Variants in TLL1 observed in about 807,000 individuals in gnomAD.
TLL1 encodes tolloid like 1.
A neutral mutation model predicts 128.2 loss-of-function variants in TLL1; 49 were observed. The observed-to-expected ratio is 0.38, with a 90% CI of 0.30 to 0.48. TLL1 has a LOEUF of 0.48. Ranked by LOEUF, TLL1 falls within the 20% of genes least tolerant of loss-of-function variation. The probability of loss-of-function intolerance (pLI) is 0.96; values close to 1 mark genes in which losing one functional copy is unlikely to be tolerated. For synonymous variants in TLL1, 454 were observed against 418.8 expected (o/e 1.08, Z -1.03); for missense variants, 1,123 against 1,242.0 (o/e 0.90, Z 1.44).
chr4:166,097,050 C>A (rs1275908481), intron 19 of TLL1, among the ~76,000 whole-genome samples: 1 of 152,030 alleles, frequency 6.6e-6, no homozygotes, highest in Non-Finnish European at 1.5e-5. Flanking sequence ...ACCTTTCAAG[C>A]ATTTTTCATA....
chr4:165,895,910 C>T (rs1731654656), intron 1 of TLL1, among the ~76,000 whole-genome samples: 1 of 151,894 alleles, frequency 6.6e-6, no homozygotes, highest in Admixed American at 6.6e-5. Flanking sequence ...GTTGCAAAGA[C>T]AATTTGGCAG....
intron 14 of TLL1, among the ~76,000 whole-genome samples, chr4:166,057,877 C>G (rs1328097747): frequency 6.6e-6 from 1 of 152,156 alleles, no homozygotes. Context: ...CCTCCCATGA[C>G]ATGTGGGAAT....
At chr4:165,905,189 C>T (rs1034302053) in intron 1 of TLL1, among the ~76,000 whole-genome samples, 3 of 152,136 alleles carry the variant, frequency 2.0e-5, no homozygotes, top group Non-Finnish European at 2.9e-5. Flanking sequence ...CTATGCGATC[C>T]AGCTATCCCA....
At chr4:166,056,030 T>G (rs1005866274) in intron 13 of TLL1, among the ~76,000 whole-genome samples, 1 of 152,090 alleles carries the variant, frequency 6.6e-6, no homozygotes, top group South Asian at 2.1e-4. Context: ...GTGATAGATA[T>G]GTAAATATTG....
chr4:165,936,216 C>CT (rs1733756009), intron 1 of TLL1, among the ~76,000 whole-genome samples: 7 of 125,228 alleles, frequency 5.6e-5, no homozygotes, highest in African/African-American at 9.0e-5. Context: ...ATTTTTTTTT[C>CT]TTTTTTCTTT....
intron 1 of TLL1, among the ~76,000 whole-genome samples, chr4:165,954,744 T>A (rs2110946428): frequency 1.3e-5 from 2 of 152,100 alleles, no homozygotes; most frequent in South Asian, 2.1e-4. Context: ...TTGACTGCAC[T>A]CAATATAAAC....
At chr4:165,931,576 G>C (rs531407551) in intron 1 of TLL1, among the ~76,000 whole-genome samples, 1 of 151,860 alleles carries the variant, frequency 6.6e-6, no homozygotes, top group South Asian at 2.1e-4. Flanking sequence ...AAAATTAGCC[G>C]GGTGTGGTGG....
chr4:165,952,716 T>C (rs1052907494), intron 1 of TLL1, among the ~76,000 whole-genome samples: 1 of 152,120 alleles, frequency 6.6e-6, no homozygotes, highest in Non-Finnish European at 1.5e-5. Context: ...GAAGGCATGA[T>C]AAAATTGGCA....
chr4:166,087,541 A>T (rs1366273098), intron 18 of TLL1, among the ~76,000 whole-genome samples: 2 of 152,142 alleles, frequency 1.3e-5, no homozygotes, highest in Non-Finnish European at 2.9e-5. Flanking sequence ...GGACCTCTAA[A>T]GCTTATCTTA....
rs764173137 is a variant in TLL1, at chr4:166,077,890, G to T, written c.2315-13G>T. On this transcript the variant is annotated splice_polypyrimidine_tract_variant and intron_variant, in intron 17 of 20. Coordinates refer to ENST00000061240, the MANE Select transcript of TLL1 (RefSeq NM_012464.5). Reference sequence around the variant, plus strand: ...GATTGCCACACTGTCTGATATTATGGTTATTGGTGCAGCTGAGTGTGAACA... The same window carrying T: ...GATTGCCACACTGTCTGATATTATGTTTATTGGTGCAGCTGAGTGTGAACA... 4 of 1,613,034 alleles carry T rather than the reference G, an allele frequency of 2.5e-6. No individual in the cohort carries two copies. Among genetic ancestry groups the T allele is most frequent in the Admixed American group, 1.7e-5 (1 of 59,928 alleles).
intron 1 of TLL1, among the ~76,000 whole-genome samples, chr4:165,931,493 C>A (rs113776365): frequency 6.6e-6 from 1 of 151,580 alleles, no homozygotes; most frequent in Admixed American, 6.6e-5. Context: ...CCAAGGCGGG[C>A]GGATCACGAG....
At chr4:165,983,917 C>A (rs1736277492) in intron 1 of TLL1, among the ~76,000 whole-genome samples, 1 of 151,758 alleles carries the variant, frequency 6.6e-6, no homozygotes, top group Admixed American at 6.6e-5. Flanking sequence ...GATGAGTGAA[C>A]AATTTTATTT....
chr4:166,061,447 G>A (rs1438683998), intron 15 of TLL1, among the ~76,000 whole-genome samples: 3 of 151,846 alleles, frequency 2.0e-5, no homozygotes, highest in Non-Finnish European at 4.4e-5. Flanking sequence ...GTTTCACCAT[G>A]TTGGCCAGGC....
intron 1 of TLL1, among the ~76,000 whole-genome samples, chr4:165,964,862 A>C (rs1049881507): frequency 1.1e-4 from 16 of 152,090 alleles, no homozygotes; most frequent in Admixed American, 1.0e-3. Flanking sequence ...GCTTAAGCCC[A>C]GGTGTTAGAG....
At chr4:166,084,172 T>C (rs1192896134) in intron 18 of TLL1, among the ~76,000 whole-genome samples, 1 of 152,152 alleles carries the variant, frequency 6.6e-6, no homozygotes, top group African/African-American at 2.4e-5. Flanking sequence ...ACCTGTTGGT[T>C]ATTTGTGTCT....
chr4:165,955,912 C>G (rs1447038242), intron 1 of TLL1, among the ~76,000 whole-genome samples: 7 of 151,950 alleles, frequency 4.6e-5, no homozygotes, highest in Non-Finnish European at 7.4e-5. Context: ...AGAAAGGGTA[C>G]CAAGAGAGGA....
intron 1 of TLL1, among the ~76,000 whole-genome samples, chr4:165,891,094 C>A (rs1241157456): frequency 2.0e-5 from 3 of 152,146 alleles, no homozygotes; most frequent in Admixed American, 6.6e-5. Flanking sequence ...ATATTTTTCC[C>A]TTTTAGCCAC....
intron 5 of TLL1, among the ~76,000 whole-genome samples, chr4:165,999,625 C>G (rs1215769396): frequency 6.8e-6 from 1 of 146,624 alleles, no homozygotes; most frequent in Non-Finnish European, 1.5e-5. Context: ...GCCACAAAGT[C>G]CAGCTAATTT....
intron 1 of TLL1, among the ~76,000 whole-genome samples, chr4:165,950,495 C>T (rs955005479): frequency 2.0e-5 from 3 of 152,050 alleles, no homozygotes; most frequent in Admixed American, 6.6e-5. Context: ...ATGCATGGAA[C>T]ATTCACCAAG....
Sources: gnomAD v4.1 joint callset for allele counts (sites outside exome capture counted in the v4.1 genomes callset) on GRCh38, gnomAD v4.1.1 for gene constraint, MANE v1.5 for transcripts, NCBI Gene and HGNC (gene_info 2026-07-23, HGNC 2026-07-21) for gene names.